Variants in CACNA2D3 observed in about 807,000 individuals in gnomAD.
CACNA2D3 encodes the protein voltage-dependent calcium channel subunit alpha-2/delta-3.
In CACNA2D3, 60 loss-of-function variants were observed where a neutral mutation model predicts 160.6. The ratio of observed to expected loss-of-function variants is 0.37; its 90% confidence interval spans 0.30 to 0.46. CACNA2D3 has a LOEUF of 0.46. CACNA2D3 is among the 20% of genes least tolerant of loss of function. The pLI is 1.00. For synonymous variants in CACNA2D3, 558 were observed against 492.9 expected (o/e 1.13, Z -1.75); for missense variants, 1,205 against 1,365.0 (o/e 0.88, Z 1.85).
intron 2 of CACNA2D3, among the ~76,000 whole-genome samples, chr3:54,191,531 C>T (rs1559877326): frequency 6.6e-6 from 1 of 151,964 alleles, no homozygotes; most frequent in Non-Finnish European, 1.5e-5. Context: ...CCTTGGAATG[C>T]CATGGGCTGT....
At chr3:54,523,943 A>G (rs188212597) in intron 5 of CACNA2D3, among the ~76,000 whole-genome samples, 22 of 151,836 alleles carry the variant, frequency 1.4e-4, no homozygotes, top group African/African-American at 4.6e-4. Context: ...TTCTTAATGA[A>G]TCATCTTTTG....
At chr3:54,456,543 G>A (rs1033798080) in intron 4 of CACNA2D3, among the ~76,000 whole-genome samples, 1 of 151,798 alleles carries the variant, frequency 6.6e-6, no homozygotes, top group African/African-American at 2.4e-5. Flanking sequence ...GTATTCATTA[G>A]GGATATTGGC....
intron 5 of CACNA2D3, among the ~76,000 whole-genome samples, chr3:54,514,015 G>T (rs979736323): frequency 6.6e-6 from 1 of 152,196 alleles, no homozygotes; most frequent in Non-Finnish European, 1.5e-5. Context: ...GCGGCAAATG[G>T]AAGGCCCTGT....
At chr3:54,863,450 C>T (rs555453512) in intron 17 of CACNA2D3, among the ~76,000 whole-genome samples, 11 of 152,110 alleles carry the variant, frequency 7.2e-5, no homozygotes, top group Non-Finnish European at 2.9e-5. Context: ...GTCCCATTGC[C>T]GGCACGAAAG....
At chr3:54,182,405 T>C (rs1195810304) in intron 2 of CACNA2D3, among the ~76,000 whole-genome samples, 1 of 152,222 alleles carries the variant, frequency 6.6e-6, no homozygotes, top group Admixed American at 6.5e-5. Flanking sequence ...CTTTCTGTAA[T>C]GTGATACTGT....
chr3:54,206,331 G>A (rs1701276529), intron 2 of CACNA2D3, among the ~76,000 whole-genome samples: 1 of 152,142 alleles, frequency 6.6e-6, no homozygotes, highest in South Asian at 2.1e-4. Flanking sequence ...TCGGGGATGA[G>A]GTCAAACAGG....
intron 2 of CACNA2D3, among the ~76,000 whole-genome samples, chr3:54,173,608 C>T (rs1439667008): frequency 6.6e-6 from 1 of 152,118 alleles, no homozygotes; most frequent in Non-Finnish European, 1.5e-5. Context: ...GAGAACAGCA[C>T]CTTGCTAATA....
chr3:54,391,590 A>C (rs1699283516), intron 4 of CACNA2D3, among the ~76,000 whole-genome samples: 1 of 151,220 alleles, frequency 6.6e-6, no homozygotes, highest in Admixed American at 6.6e-5. Context: ...AGCTCACTAT[A>C]ACCTGCGCCT....
chr3:54,355,650 T>C (rs756051332), intron 3 of CACNA2D3, among the ~76,000 whole-genome samples: 7 of 152,126 alleles, frequency 4.6e-5, no homozygotes, highest in Non-Finnish European at 8.8e-5. Context: ...AAGTTTGAGA[T>C]GTCTATTACA....
chr3:54,789,138 T>C (rs1018245030), intron 13 of CACNA2D3, among the ~76,000 whole-genome samples: 3 of 152,216 alleles, frequency 2.0e-5, no homozygotes, highest in African/African-American at 7.2e-5. Flanking sequence ...TTTATTTAAA[T>C]ATAAGCATAT....
intron 8 of CACNA2D3, among the ~76,000 whole-genome samples, chr3:54,577,830 G>A (rs1180656544): frequency 1.3e-5 from 2 of 152,176 alleles, no homozygotes; most frequent in Non-Finnish European, 2.9e-5. Context: ...ATTTGAACCC[G>A]GGCCTGCCTG....
In CACNA2D3 at chr3:54,463,931, A is replaced by T. The variant is rs1318770257; in HGVS notation, c.382-39561A>T. 2.0e-5 allele frequency among the ~76,000 whole-genome samples: 3 copies of T among 152,022 alleles called. No individual in the cohort carries two copies. In the East Asian group the frequency reaches 5.8e-4, roughly 29 times the overall value. ...CTACTTTTGGTCTTTGATGATGGCG[A>T]TGTACAGATGGGATTTTGGTGTGGA... On this transcript the variant is annotated intron_variant, in intron 4 of 37. Transcript: ENST00000474759.
chr3:54,375,036 T>C (rs1486606167), intron 3 of CACNA2D3, among the ~76,000 whole-genome samples: 1 of 152,158 alleles, frequency 6.6e-6, no homozygotes, highest in African/African-American at 2.4e-5. Flanking sequence ...GTACTTGCAG[T>C]TCCCTCATCC....
chr3:54,206,426 A>T (rs1701277832), intron 2 of CACNA2D3, among the ~76,000 whole-genome samples: 1 of 152,158 alleles, frequency 6.6e-6, no homozygotes, highest in Non-Finnish European at 1.5e-5. Context: ...TGTTTAAAAG[A>T]GTTCTAGAGA....
chr3:54,484,350 T>G (rs1454079159), intron 4 of CACNA2D3, among the ~76,000 whole-genome samples: 1 of 152,208 alleles, frequency 6.6e-6, no homozygotes, highest in Non-Finnish European at 1.5e-5. Context: ...GCACCGCACA[T>G]TAGGCACACC....
intron 35 of CACNA2D3, among the ~76,000 whole-genome samples, chr3:55,020,887 T>C (rs78804698): frequency 0.023 from 3,543 of 152,206 alleles, 145 homozygotes; most frequent in African/African-American, 0.08. Flanking sequence ...CACATATTGC[T>C]GGATTCAATT....
chr3:54,733,878 A>T (rs1701442380), intron 11 of CACNA2D3, among the ~76,000 whole-genome samples: 1 of 152,168 alleles, frequency 6.6e-6, no homozygotes, highest in Non-Finnish European at 1.5e-5. Flanking sequence ...ATCAGTGAAC[A>T]CGTAGCCCAA....
intron 31 of CACNA2D3, among the ~76,000 whole-genome samples, chr3:55,001,060 ATCTTATAGGGATGTGTTTAG>A (rs1702971306): frequency 6.6e-6 from 1 of 152,154 alleles, no homozygotes; most frequent in Non-Finnish European, 1.5e-5. Context: ...ATTATAATCT[ATCTTATAGGGATGTGTTTAG>A]AGGAGTACCT....
At chr3:54,789,119 C>T (rs1420679954) in intron 13 of CACNA2D3, among the ~76,000 whole-genome samples, 31 of 151,976 alleles carry the variant, frequency 2.0e-4, no homozygotes, top group Admixed American at 2.0e-3. Flanking sequence ...ATAAATGTAA[C>T]ATTAATATTT....
Sources: allele counts gnomAD v4.1 joint callset (sites outside exome capture counted in the v4.1 genomes callset), GRCh38; gene constraint gnomAD v4.1.1; transcripts MANE v1.5; gene names NCBI Gene and HGNC (gene_info 2026-07-23, HGNC 2026-07-21).